Variants in IGF1R observed in about 807,000 individuals in gnomAD.
IGF1R encodes the protein insulin-like growth factor 1 receptor.
In IGF1R, 44 loss-of-function variants were observed where a neutral mutation model predicts 144.6. The ratio of observed to expected loss-of-function variants is 0.30; its 90% CI spans 0.24 to 0.39. The LOEUF is 0.39. Among genes scored for constraint, IGF1R ranks in the 10% least tolerant of loss-of-function variants. IGF1R has a pLI of 1.00. For missense variants in IGF1R, 1,355 were observed against 1,833.7 expected (o/e 0.74, Z 4.77); for synonymous variants, 795 against 722.8 (o/e 1.10, Z -1.60).
intron 2 of IGF1R, among the ~76,000 whole-genome samples, chr15:98,832,047 G>A (rs922238165): frequency 5.9e-5 from 9 of 152,106 alleles, no homozygotes; most frequent in South Asian, 2.1e-4. Flanking sequence ...TGTTTGGGAC[G>A]CCTCAACACT....
At chr15:98,722,611 C>T (rs939818393) in intron 2 of IGF1R, among the ~76,000 whole-genome samples, 1 of 152,098 alleles carries the variant, frequency 6.6e-6, no homozygotes, top group South Asian at 2.1e-4. Context: ...CAGCTTAGTT[C>T]CATGGGGAGG....
At chr15:98,954,024 C>T (rs887837613) in intron 20 of IGF1R, 2 of 152,244 alleles carry the variant, frequency 1.3e-5, no homozygotes, top group African/African-American at 4.8e-5. Context: ...CACATTCAGC[C>T]CCGCAGGTCC....
chr15:98,831,374 A>G (rs112587791), intron 2 of IGF1R, among the ~76,000 whole-genome samples: 61 of 152,356 alleles, frequency 4.0e-4, no homozygotes, highest in Middle Eastern at 3.4e-3. Flanking sequence ...CTGCTCTAGC[A>G]TGAATATAGC....
At chr15:98,705,531 C>G (rs1208801345) in intron 1 of IGF1R, among the ~76,000 whole-genome samples, 1 of 152,160 alleles carries the variant, frequency 6.6e-6, no homozygotes, top group East Asian at 1.9e-4. Flanking sequence ...ATTCTTTTCT[C>G]TGTCTTAGGG....
At chr15:98,781,033 G>A (rs1037197572) in intron 2 of IGF1R, among the ~76,000 whole-genome samples, 2 of 152,140 alleles carry the variant, frequency 1.3e-5, no homozygotes, top group African/African-American at 2.4e-5. Flanking sequence ...GAGGTGGGAG[G>A]ACTACTTGAG....
chr15:98,730,508 G>T (rs146651881), intron 2 of IGF1R, among the ~76,000 whole-genome samples: 63 of 152,262 alleles, frequency 4.1e-4, no homozygotes, highest in African/African-American at 1.4e-3. Flanking sequence ...GACTCTGTTG[G>T]CTCTCAGCTG....
intron 2 of IGF1R, among the ~76,000 whole-genome samples, chr15:98,805,356 A>C (rs2056449270): frequency 6.6e-6 from 1 of 151,740 alleles, no homozygotes; most frequent in Admixed American, 6.6e-5. Flanking sequence ...CTCATTTTTC[A>C]CAGAGCTACT....
At chr15:98,847,237 A>G (rs570570038) in intron 2 of IGF1R, among the ~76,000 whole-genome samples, 1 of 152,138 alleles carries the variant, frequency 6.6e-6, no homozygotes, top group East Asian at 1.9e-4. Context: ...TTGGACTCCC[A>G]AAGTGCTGGG....
intron 1 of IGF1R, among the ~76,000 whole-genome samples, chr15:98,705,450 A>G (rs746079378): frequency 1.3e-5 from 2 of 152,126 alleles, no homozygotes; most frequent in African/African-American, 4.8e-5. Context: ...GACTGTGTAT[A>G]AGTGACTTGA....
At chr15:98,875,858 G>A (rs925968456) in intron 2 of IGF1R, among the ~76,000 whole-genome samples, 2 of 152,130 alleles carry the variant, frequency 1.3e-5, no homozygotes, top group African/African-American at 2.4e-5. Context: ...GCCCAGAGTG[G>A]TCAGATAGTT....
intron 2 of IGF1R, among the ~76,000 whole-genome samples, chr15:98,782,742 A>G (rs1167273319): frequency 6.6e-6 from 1 of 152,200 alleles, no homozygotes; most frequent in East Asian, 1.9e-4. Flanking sequence ...TTTTAGTTTA[A>G]AATAGTCTTG....
intron 1 of IGF1R, among the ~76,000 whole-genome samples, chr15:98,692,419 TG>T (rs1442784903): frequency 6.6e-6 from 1 of 152,198 alleles, no homozygotes; most frequent in Non-Finnish European, 1.5e-5. Context: ...CATAGTTTAC[TG>T]TAGCCTTGAA....
At chr15:98,859,719 T>A (rs909021473) in intron 2 of IGF1R, among the ~76,000 whole-genome samples, 1 of 152,242 alleles carries the variant, frequency 6.6e-6, no homozygotes, top group African/African-American at 2.4e-5. Context: ...CTTAAATGCA[T>A]GATTAACTGT....
Position 98,960,906 on chromosome 15 carries a change from C to CA in IGF1R, c.*3464_*3465insA, listed in dbSNP as rs1358241764. 4.6e-6 allele frequency: 1 copy of CA among 215,268 alleles called. No homozygotes were observed. Among genetic ancestry groups the CA allele is most frequent in the African/African-American group, 2.7e-5 (1 of 37,700 alleles). The allele number at this position is 215,268 out of a possible 1,614,324, so 13.3% of individuals were successfully genotyped here. On this transcript the variant is annotated 3_prime_UTR_variant, in exon 21 of 21. Coordinates refer to ENST00000650285, the MANE Select transcript of IGF1R (RefSeq NM_000875.5). ...CGGCGCCGAGGCTCGTGGCGTCACG[C>CA]CCCCCCCGCCAGGGCTGTACCTCCG...
intron 2 of IGF1R, among the ~76,000 whole-genome samples, chr15:98,769,514 A>G (rs148145488): frequency 6.6e-6 from 1 of 152,246 alleles, no homozygotes; most frequent in South Asian, 2.1e-4. Flanking sequence ...GAAAGAAGAC[A>G]CTATGTCATC....
chr15:98,952,910 G>A (rs1033656443), intron 20 of IGF1R: 21 of 152,182 alleles, frequency 1.4e-4, no homozygotes, highest in Non-Finnish European at 2.2e-4. Flanking sequence ...CAAGAAAAGA[G>A]TAGAATGAAA....
chr15:98,758,351 G>A (rs1186870808), intron 2 of IGF1R, among the ~76,000 whole-genome samples: 1 of 151,970 alleles, frequency 6.6e-6, no homozygotes, highest in Admixed American at 6.6e-5. Context: ...GCTGAGCTTG[G>A]TCACCCTCCC....
chr15:98,749,085 G>A (rs1406762806), intron 2 of IGF1R, among the ~76,000 whole-genome samples: 1 of 152,024 alleles, frequency 6.6e-6, no homozygotes, highest in Non-Finnish European at 1.5e-5. Flanking sequence ...GTTCTTGGAG[G>A]ACACTATTGC....
intron 1 of IGF1R, among the ~76,000 whole-genome samples, chr15:98,689,645 C>T (rs906501003): frequency 6.6e-6 from 1 of 152,034 alleles, no homozygotes; most frequent in Admixed American, 6.6e-5. Flanking sequence ...AGGCAGGGAC[C>T]TTGCATAGTT....
Sources: allele counts gnomAD v4.1 joint callset (sites outside exome capture counted in the v4.1 genomes callset), GRCh38; gene constraint gnomAD v4.1.1; transcripts MANE v1.5; gene names NCBI Gene and HGNC (gene_info 2026-07-23, HGNC 2026-07-21).